ARB2A: variants seen among roughly 807,000 people sequenced by gnomAD.
ARB2A encodes the protein cotranscriptional regulator ARB2A.
chr5:93,850,411 T>C, the ARB2A span, among the ~76,000 whole-genome samples: 1 of 152,100 alleles, frequency 6.6e-6, no homozygotes, highest in Non-Finnish European at 1.5e-5. Context: ...CGTAGGTAGG[T>C]GTGCAGGTAT....
At chr5:93,653,276 A>C in the ARB2A span, among the ~76,000 whole-genome samples, 2 of 151,916 alleles carry the variant, frequency 1.3e-5, no homozygotes, top group South Asian at 4.1e-4. Flanking sequence ...TGGGAGGCCG[A>C]GGTGGGTGGA....
chr5:93,778,692 A>C, the ARB2A span, among the ~76,000 whole-genome samples: 3 of 152,180 alleles, frequency 2.0e-5, no homozygotes, highest in Non-Finnish European at 4.4e-5. Context: ...TCAGCTATTA[A>C]CCAGGTGATA....
chr5:94,109,399 A>G, the ARB2A span, among the ~76,000 whole-genome samples: 1 of 152,186 alleles, frequency 6.6e-6, no homozygotes, highest in East Asian at 1.9e-4. Flanking sequence ...TTAGTTACCA[A>G]TGACTACTGT....
the ARB2A span, among the ~76,000 whole-genome samples, chr5:93,928,939 G>A: frequency 6.6e-6 from 1 of 151,750 alleles, no homozygotes; most frequent in Admixed American, 6.6e-5. Context: ...AAATTGGAAA[G>A]TCTGTTAAAT....
chr5:93,886,539 T>C, the ARB2A span, among the ~76,000 whole-genome samples: 1 of 151,710 alleles, frequency 6.6e-6, no homozygotes, highest in Admixed American at 6.6e-5. Context: ...TTCTGAAAGA[T>C]GTATGTTGTA....
the ARB2A span, among the ~76,000 whole-genome samples, chr5:93,645,443 G>A: frequency 3.3e-5 from 5 of 152,038 alleles, no homozygotes; most frequent in East Asian, 1.9e-4. Flanking sequence ...ACATGGTGGC[G>A]TGCACCTGTA....
chr5:93,960,220 G>C, the ARB2A span, among the ~76,000 whole-genome samples: 403 of 151,982 alleles, frequency 2.7e-3, no homozygotes, highest in Middle Eastern at 0.01. Flanking sequence ...GTAAGAGATG[G>C]CTTAGGCATT....
the ARB2A span, among the ~76,000 whole-genome samples, chr5:94,052,570 A>G: frequency 6.6e-6 from 1 of 152,214 alleles, no homozygotes; most frequent in Admixed American, 6.5e-5. Flanking sequence ...GTAAGGGTGT[A>G]TTACACATGA....
chr5:94,088,497 A>G, the ARB2A span, among the ~76,000 whole-genome samples: 1 of 152,138 alleles, frequency 6.6e-6, no homozygotes, highest in Admixed American at 6.5e-5. Flanking sequence ...CCCTGGCAAC[A>G]TAGCAAGACG....
chr5:94,079,729 T>G, the ARB2A span, among the ~76,000 whole-genome samples: 1 of 152,194 alleles, frequency 6.6e-6, no homozygotes, highest in Non-Finnish European at 1.5e-5. Context: ...CTTAGTATAT[T>G]TAGTTTGCTA....
At chr5:94,010,239 T>C in the ARB2A span, among the ~76,000 whole-genome samples, 3 of 152,284 alleles carry the variant, frequency 2.0e-5, no homozygotes, top group East Asian at 1.9e-4. Context: ...TTTTGATATA[T>C]TGCGTCTTCA....
At chr5:93,827,744 T>C in the ARB2A span, among the ~76,000 whole-genome samples, 5 of 151,818 alleles carry the variant, frequency 3.3e-5, no homozygotes, top group Admixed American at 6.6e-5. Context: ...AACGTTTAAG[T>C]CTTTAATCCA....
the ARB2A span, among the ~76,000 whole-genome samples, chr5:93,710,133 T>C: frequency 6.6e-5 from 10 of 152,318 alleles, no homozygotes; most frequent in East Asian, 1.9e-3. Context: ...CATTCTTTAA[T>C]GAGCAAGAGT....
the ARB2A span, among the ~76,000 whole-genome samples, chr5:93,857,887 T>C: frequency 6.6e-6 from 1 of 152,210 alleles, no homozygotes; most frequent in Non-Finnish European, 1.5e-5. Context: ...TCGCTCATGC[T>C]GGGAGCTGTA....
the ARB2A span, among the ~76,000 whole-genome samples, chr5:94,072,405 T>C: frequency 6.6e-6 from 1 of 151,732 alleles, no homozygotes; most frequent in Non-Finnish European, 1.5e-5. Context: ...CTAATGGAAA[T>C]TGAATAATGA....
At chr5:93,891,129 A>G in the ARB2A span, among the ~76,000 whole-genome samples, 1 of 152,104 alleles carries the variant, frequency 6.6e-6, no homozygotes, top group African/African-American at 2.4e-5. Flanking sequence ...AATACTTATA[A>G]GATTTACCGT....
At chr5:93,911,628 C>CCACACA in the ARB2A span, among the ~76,000 whole-genome samples, 19,753 of 148,664 alleles carry the variant, frequency 0.13, 1,407 homozygotes, top group South Asian at 0.32. Context: ...GCATTAGTCA[C>CCACACA]CACACACACA....
At chr5:93,963,199 T>C in the ARB2A span, among the ~76,000 whole-genome samples, 1 of 151,998 alleles carries the variant, frequency 6.6e-6, no homozygotes, top group African/African-American at 2.4e-5. Flanking sequence ...TTTCAATATA[T>C]ACTTTAAATG....
At chr5:93,703,944 C>T in the ARB2A span, among the ~76,000 whole-genome samples, 1 of 152,154 alleles carries the variant, frequency 6.6e-6, no homozygotes, top group East Asian at 1.9e-4. Context: ...ACTGAGACTC[C>T]TGATGTCTAT....
Sources: allele counts gnomAD v4.1 joint callset (sites outside exome capture counted in the v4.1 genomes callset), GRCh38; gene constraint gnomAD v4.1.1; transcripts MANE v1.5; gene names NCBI Gene and HGNC (gene_info 2026-07-23, HGNC 2026-07-21).